EPB41L2: variants seen among roughly 807,000 people sequenced by gnomAD.
EPB41L2 encodes band 4.1-like protein 2.
EPB41L2 carries 43 observed loss-of-function variants against 113.0 expected under a neutral mutation model. The ratio of observed to expected loss-of-function variants is 0.38; its 90% confidence interval spans 0.30 to 0.49. The LOEUF is 0.49. Ranked by LOEUF, EPB41L2 falls within the 20% of genes least tolerant of loss-of-function variation. EPB41L2 has a pLI of 0.95. For synonymous variants in EPB41L2, 442 were observed against 436.7 expected, an observed-to-expected ratio of 1.01 and a Z score of -0.15; for missense variants, 1,147 against 1,223.4, an observed-to-expected ratio of 0.94 and a Z score of 0.93.
intron 1 of EPB41L2, among the ~76,000 whole-genome samples, chr6:131,038,787 T>C (rs1793849245): frequency 6.6e-6 from 1 of 152,190 alleles, no homozygotes; most frequent in Non-Finnish European, 1.5e-5. Flanking sequence ...TCAGTAAGTG[T>C]TCAAAGTATT....
chr6:130,954,036 C>CTTTTTTTTTTTTTTTTTTTTTTTTTT lies in EPB41L2; in HGVS notation c.705+1068_705+1069insAAAAAAAAAAAAAAAAAAAAAAAAAA, dbSNP rs1816328530. Reference sequence around the variant, plus strand: ...TTAATCCTCTTTTGCTAGTCCTTTTCTTTCTTTTTTTTTTTTTTTTTTTTT... The same window carrying CTTTTTTTTTTTTTTTTTTTTTTTTTT: ...TTAATCCTCTTTTGCTAGTCCTTTTCTTTTTTTTTTTTTTTTTTTTTTTTTTTTTCTTTTTTTTTTTTTTTTTTTTT... On this transcript the variant is annotated intron_variant, in intron 3 of 19. Transcript: ENST00000337057. 8.8e-5 allele frequency among the ~76,000 whole-genome samples: 4 copies of CTTTTTTTTTTTTTTTTTTTTTTTTTT among 45,520 alleles called. 1 individual carries two copies. The highest frequency in any genetic ancestry group is 3.2e-4 in the Admixed American group (1 of 3,164). 29.9% of individuals were successfully genotyped at this position (45,520 alleles called of 152,430 possible). A position where few individuals can be genotyped will look rare whatever the true frequency, so the allele number is the denominator to read the frequency against.
At chr6:130,902,775 T>G (rs963761407) in intron 6 of EPB41L2, among the ~76,000 whole-genome samples, 3 of 152,188 alleles carry the variant, frequency 2.0e-5, no homozygotes, top group African/African-American at 7.2e-5. Flanking sequence ...TCCTCTGTTT[T>G]CAAAGCCTAA....
chr6:130,876,665 G>A (rs1787655458), intron 14 of EPB41L2: 1 of 1,299,990 alleles, frequency 7.7e-7, no homozygotes, highest in Non-Finnish European at 1.0e-6. Flanking sequence ...AAGGGTGCAA[G>A]GTGAACACCT....
At chr6:131,007,069 C>T (rs1478450092) in intron 1 of EPB41L2, among the ~76,000 whole-genome samples, 3 of 152,182 alleles carry the variant, frequency 2.0e-5, no homozygotes, top group East Asian at 3.9e-4. Flanking sequence ...ATGAAAATAG[C>T]CACAGTAACT....
At chr6:130,989,023 A>G (rs1321207712) in intron 1 of EPB41L2, among the ~76,000 whole-genome samples, 1 of 152,212 alleles carries the variant, frequency 6.6e-6, no homozygotes, top group Non-Finnish European at 1.5e-5. Context: ...CAGGAGGCAG[A>G]GGTTGCAGTG....
At chr6:130,853,668 C>T (rs1017899184) in intron 19 of EPB41L2, among the ~76,000 whole-genome samples, 1 of 152,116 alleles carries the variant, frequency 6.6e-6, no homozygotes, top group African/African-American at 2.4e-5. Flanking sequence ...GCAGGTTGTT[C>T]TTTTACCATC....
chr6:130,983,119 T>A (rs946170309), intron 1 of EPB41L2, among the ~76,000 whole-genome samples: 2 of 152,234 alleles, frequency 1.3e-5, no homozygotes, highest in Non-Finnish European at 2.9e-5. Flanking sequence ...CATCAGGACT[T>A]TATTCAACTG....
chr6:130,966,742 T>A (rs906206267), intron 1 of EPB41L2, among the ~76,000 whole-genome samples: 1 of 152,176 alleles, frequency 6.6e-6, no homozygotes, highest in Non-Finnish European at 1.5e-5. Context: ...GAACCCAGCT[T>A]GGTTAGCCAG....
chr6:130,856,272 A>T (rs1422845246), intron 19 of EPB41L2, among the ~76,000 whole-genome samples: 26 of 152,250 alleles, frequency 1.7e-4, no homozygotes, highest in Non-Finnish European at 8.8e-5. Context: ...AACTATTTTA[A>T]TAATGAAAGA....
chr6:131,023,739 C>CTATA (rs201216677), intron 1 of EPB41L2, among the ~76,000 whole-genome samples: 2,340 of 138,774 alleles, frequency 0.017, 69 homozygotes, highest in African/African-American at 0.053. Context: ...GTATATATAT[C>CTATA]TATATATCTA....
intron 5 of EPB41L2, among the ~76,000 whole-genome samples, chr6:130,905,590 T>C (rs1258320747): frequency 6.6e-6 from 1 of 152,022 alleles, no homozygotes; most frequent in African/African-American, 2.4e-5. Context: ...GGCTAACTTA[T>C]TTTTTACTCT....
intron 1 of EPB41L2, among the ~76,000 whole-genome samples, chr6:130,998,423 T>C (rs899307458): frequency 2.6e-5 from 4 of 152,120 alleles, no homozygotes; most frequent in African/African-American, 9.7e-5. Context: ...CAAGTAACAC[T>C]TGCAAAACAC....
Position 130,926,637 on chromosome 6 carries a change from C to T in EPB41L2, c.778G>A (p.Gly260Arg). Residue 260 changes from glycine to arginine, a missense_variant, in exon 4 of 20, where the codon GGA becomes AGA. Transcript: ENST00000337057. Reference sequence around the variant, plus strand: ...TCAGGGCTTTCCTGAAACAAAAGTCCAAAGTAGTCTTTCTCCAAGAGATTG... The same window carrying T: ...TCAGGGCTTTCCTGAAACAAAAGTCTAAAGTAGTCTTTCTCCAAGAGATTG... ...HLNLLEKDYFGLLFQESPEQK... is the reference protein window; with the variant it reads ...HLNLLEKDYFRLLFQESPEQK... 6.2e-7 allele frequency: 1 copy of T among 1,609,174 alleles called. No individual in the cohort carries two copies. The highest frequency in any genetic ancestry group is 8.5e-7 in the Non-Finnish European group (1 of 1,178,700).
At chr6:130,853,648 T>G (rs1779392449) in intron 19 of EPB41L2, among the ~76,000 whole-genome samples, 1 of 151,942 alleles carries the variant, frequency 6.6e-6, no homozygotes, top group Admixed American at 6.6e-5. Flanking sequence ...ACTTGGGAGG[T>G]TCGTCCTCTG....
At chr6:130,999,558 A>G (rs1328800631) in intron 1 of EPB41L2, among the ~76,000 whole-genome samples, 1 of 152,204 alleles carries the variant, frequency 6.6e-6, no homozygotes, top group Non-Finnish European at 1.5e-5. Flanking sequence ...TCCTTTCAAG[A>G]AAATGGGGGA....
intron 3 of EPB41L2, among the ~76,000 whole-genome samples, chr6:130,940,576 G>A (rs1455417600): frequency 1.3e-5 from 2 of 150,874 alleles, no homozygotes; most frequent in African/African-American, 2.4e-5. Context: ...AGCAATTCTT[G>A]TGCCTCAGCC....
intron 3 of EPB41L2, among the ~76,000 whole-genome samples, chr6:130,945,488 G>C (rs1812496143): frequency 6.6e-6 from 1 of 152,182 alleles, no homozygotes; most frequent in Admixed American, 6.5e-5. Flanking sequence ...CAATGCCCTT[G>C]ATTCTCAGAC....
intron 19 of EPB41L2, among the ~76,000 whole-genome samples, chr6:130,844,388 T>C (rs1446620645): frequency 6.7e-6 from 1 of 149,032 alleles, no homozygotes; most frequent in Non-Finnish European, 1.5e-5. Context: ...GCCAACATGG[T>C]GAAATCCCGT....
chr6:131,011,645 T>C (rs1787006084), intron 1 of EPB41L2, among the ~76,000 whole-genome samples: 1 of 152,180 alleles, frequency 6.6e-6, no homozygotes, highest in South Asian at 2.1e-4. Context: ...AAAACTGTCT[T>C]AAGTGAAATA....
Sources: allele counts gnomAD v4.1 joint callset (sites outside exome capture counted in the v4.1 genomes callset), GRCh38; gene constraint gnomAD v4.1.1; transcripts MANE v1.5; gene names NCBI Gene and HGNC (gene_info 2026-07-23, HGNC 2026-07-21).